Variants in ZSCAN25 observed in about 807,000 individuals in gnomAD.
The protein encoded by ZSCAN25 is zinc finger and SCAN domain containing 25.
In ZSCAN25, 27 loss-of-function variants were observed where a neutral mutation model predicts 38.7. The ratio of observed to expected loss-of-function variants is 0.70; its 90% CI spans 0.51 to 0.96. The LOEUF (loss-of-function observed/expected upper bound fraction) is 0.96. Among genes scored for constraint, ZSCAN25 ranks in the 40% least tolerant of loss-of-function variants. The pLI is 0.00. For synonymous variants in ZSCAN25, 273 were observed against 277.7 expected, an observed-to-expected ratio of 0.98 and a Z score of 0.17; for missense variants, 637 against 705.9, an observed-to-expected ratio of 0.90 and a Z score of 1.11.
chr7:99,715,050 A>G, the ZSCAN25 span, among the ~76,000 whole-genome samples: 3 of 152,248 alleles, frequency 2.0e-5, no homozygotes, highest in African/African-American at 7.2e-5. Flanking sequence ...TCAGATAGAA[A>G]TAACACAGTG....
At chr7:99,699,920 C>T in the ZSCAN25 span, 2 of 1,346,274 alleles carry the variant, frequency 1.5e-6, no homozygotes, top group Non-Finnish European at 2.1e-6. Flanking sequence ...AGTAGCACCC[C>T]AAGTCCAAGT....
intron 7 of ZSCAN25, chr7:99,624,406 G>T: frequency 7.1e-6 from 4 of 564,306 alleles, no homozygotes; most frequent in Admixed American, 6.1e-5. Flanking sequence ...GCTGTATGGA[G>T]ACAGGTCGGT....
intron 7 of ZSCAN25, among the ~76,000 whole-genome samples, chr7:99,628,938 A>G (rs1242549634): frequency 6.6e-6 from 1 of 152,226 alleles, no homozygotes; most frequent in Non-Finnish European, 1.5e-5. Flanking sequence ...TTATTGAGCT[A>G]CATTTTGTAA....
chr7:99,645,100 C>T, the ZSCAN25 span, among the ~76,000 whole-genome samples: 2 of 152,214 alleles, frequency 1.3e-5, no homozygotes, highest in African/African-American at 4.8e-5. Flanking sequence ...AAGCGATTCT[C>T]GTGCCTCAGC....
At chr7:99,730,936 A>G in the ZSCAN25 span, 1 of 1,315,806 alleles carries the variant, frequency 7.6e-7, no homozygotes, top group Non-Finnish European at 1.1e-6. Context: ...GGTGATGCCT[A>G]CACGCTATTT....
In ZSCAN25 at chr7:99,629,438, T is replaced by C. The variant is rs371235113; in HGVS notation, c.1053T>C (p.Pro351=). Residue 351 remains proline, a synonymous_variant, in exon 8 of 8, where the codon CCT becomes CCC. Coordinates refer to ENST00000394152, the MANE Select transcript of ZSCAN25 (RefSeq NM_145115.3). The surrounding 1 kb of genome is among the most constrained non-coding windows in gnomAD (Gnocchi z 5.6). ...CCTTCTGGAAGCCTTTCCAGTGCCC[T>C]GAGTGTGGGAAAGGATTCAGTCGGA... is the stretch of plus-strand genomic sequence containing the variant. ...HSSFWKPFQC[P]ECGKGFSRSS... is the part of the protein sequence containing the mutation. The C allele has an allele frequency of 3.1e-6, 5 of 1,614,048 alleles. No homozygotes were observed. The highest frequency in any genetic ancestry group is 1.7e-5 in the Admixed American group (1 of 60,012).
At chr7:99,723,810 G>T in the ZSCAN25 span, among the ~76,000 whole-genome samples, 2 of 152,120 alleles carry the variant, frequency 1.3e-5, no homozygotes, top group African/African-American at 4.8e-5. Context: ...TCCCTTTCTG[G>T]TAGAGACGGA....
At chr7:99,677,631 G>A in the ZSCAN25 span, among the ~76,000 whole-genome samples, 3 of 152,188 alleles carry the variant, frequency 2.0e-5, no homozygotes, top group Non-Finnish European at 4.4e-5. Context: ...TACATGAAGG[G>A]CAGGGTTTGG....
At position 99,619,591 on chromosome 7, in the gene ZSCAN25, C is replaced by T. The variant is rs992812548; in HGVS notation, c.-16C>T. 5.6e-6 allele frequency: 9 copies of T among 1,602,574 alleles called. No homozygotes were observed. The highest frequency in any genetic ancestry group is 3.4e-5 in the Admixed American group (2 of 59,240). ...TTGATGCAGTCATTCTCAGTCTCCT[C>T]GGAGGGAGTCTGAAGATGCTTAAAG... is the stretch of plus-strand genomic sequence containing the variant. On this transcript the variant is annotated 5_prime_UTR_variant, in exon 4 of 8. Transcript: ENST00000394152.
intron 1 of ZSCAN25, among the ~76,000 whole-genome samples, chr7:99,617,698 A>G (rs935557903): frequency 1.3e-5 from 2 of 152,230 alleles, no homozygotes; most frequent in Non-Finnish European, 2.9e-5. Context: ...TGATCGCACC[A>G]CTGGTCTCCA....
At chr7:99,655,712 C>T in the ZSCAN25 span, among the ~76,000 whole-genome samples, 1 of 152,302 alleles carries the variant, frequency 6.6e-6, no homozygotes, top group East Asian at 1.9e-4. Flanking sequence ...TACCCATGAG[C>T]ATGGAATGTT....
At chr7:99,666,126 A>G in the ZSCAN25 span, among the ~76,000 whole-genome samples, 2 of 152,156 alleles carry the variant, frequency 1.3e-5, no homozygotes, top group Non-Finnish European at 2.9e-5. Flanking sequence ...TTGGAGGAAA[A>G]GGAAGTAGTG....
the ZSCAN25 span, among the ~76,000 whole-genome samples, chr7:99,706,072 T>A: frequency 1.3e-5 from 2 of 152,198 alleles, no homozygotes; most frequent in East Asian, 1.9e-4. Flanking sequence ...TTCCTCTCAA[T>A]TGAACCCATC....
the ZSCAN25 span, among the ~76,000 whole-genome samples, chr7:99,706,470 C>T: frequency 3.9e-5 from 6 of 152,172 alleles, no homozygotes; most frequent in Non-Finnish European, 7.3e-5. Flanking sequence ...ATATGGAAAC[C>T]ATCTCTATCT....
At chr7:99,638,588 T>G in the ZSCAN25 span, 1 of 1,576,486 alleles carries the variant, frequency 6.3e-7, no homozygotes, top group Non-Finnish European at 8.7e-7. Context: ...TCCCATATGT[T>G]GAACTTGACA....
At position 99,629,149 on chromosome 7, in the gene ZSCAN25, C is replaced by T. The variant is rs765545827; in HGVS notation, c.806-42C>T. The T allele has an allele frequency of 1.5e-5, 23 of 1,543,160 alleles. No individual in the cohort carries two copies. The highest frequency in any genetic ancestry group is 8.8e-5 in the South Asian group (7 of 79,296). On this transcript the variant is annotated intron_variant, in intron 7 of 7. Transcript: ENST00000394152. The surrounding 1 kb of genome is among the most constrained non-coding windows in gnomAD (Gnocchi z 5.6). The stretch of plus-strand genomic sequence containing the variant: ...AGAGTTCTAACATGTAAATGTCCTG[C>T]GGCTACCACAGAATCAATCTTTATC...
the ZSCAN25 span, chr7:99,671,776 A>G: frequency 1.4e-6 from 1 of 702,340 alleles, no homozygotes; most frequent in African/African-American, 1.7e-5. Context: ...AGAACCTGTC[A>G]GAGAAAAAGA....
the ZSCAN25 span, among the ~76,000 whole-genome samples, chr7:99,728,625 G>A: frequency 6.6e-6 from 1 of 152,078 alleles, no homozygotes; most frequent in African/African-American, 2.4e-5. Context: ...TAATTGGACA[G>A]GTACATGTAC....
At chr7:99,628,129 C>T (rs529277345) in intron 7 of ZSCAN25, among the ~76,000 whole-genome samples, 5 of 151,924 alleles carry the variant, frequency 3.3e-5, no homozygotes, top group South Asian at 2.1e-4. Context: ...TTTTAGCCAG[C>T]GCTGGATCCA....
Sources: allele counts gnomAD v4.1 joint callset (sites outside exome capture counted in the v4.1 genomes callset), GRCh38; gene constraint gnomAD v4.1.1; non-coding constraint Gnocchi (gnomAD v3.1); transcripts MANE v1.5; gene names NCBI Gene and HGNC (gene_info 2026-07-23, HGNC 2026-07-21).